Variants in DOCK4 observed in about 807,000 individuals in gnomAD.
DOCK4 encodes dedicator of cytokinesis 4, also known as dedicator of cytokinesis protein 4.
Under a neutral mutation model 268.1 loss-of-function variants are expected in DOCK4, and 97 were observed. The ratio of observed to expected loss-of-function variants is 0.36; its 90% confidence interval spans 0.31 to 0.43. The LOEUF is 0.43. DOCK4 is among the 20% of genes least tolerant of loss of function. The pLI is 1.00. For missense variants in DOCK4, 2,145 were observed against 2,455.7 expected (o/e 0.87, Z 2.67); for synonymous variants, 954 against 887.2 (o/e 1.08, Z -1.34).
chr7:112,012,238 A>G (rs1801392474), intron 1 of DOCK4, among the ~76,000 whole-genome samples: 1 of 152,132 alleles, frequency 6.6e-6, no homozygotes, highest in South Asian at 2.1e-4. Flanking sequence ...CTATTCTGTT[A>G]TTACAGTTTC....
chr7:112,061,989 AGGTACAATTATGT>A (rs1353918029), intron 1 of DOCK4, among the ~76,000 whole-genome samples: 1 of 152,242 alleles, frequency 6.6e-6, no homozygotes, highest in Non-Finnish European at 1.5e-5. Flanking sequence ...CCTGTGCAGT[AGGTACAATTATGT>A]GGTACACAGA....
intron 1 of DOCK4, among the ~76,000 whole-genome samples, chr7:112,143,689 C>T (rs547009439): frequency 2.0e-5 from 3 of 152,230 alleles, no homozygotes; most frequent in South Asian, 4.1e-4. Flanking sequence ...TGCCCTGTGC[C>T]AGGAGAAAAA....
In DOCK4 at chr7:112,163,940, C is replaced by T. The variant is rs146167119; in HGVS notation, c.37+42162G>A. 5.0e-3 allele frequency among the ~76,000 whole-genome samples: 765 copies of T among 152,258 alleles called. 22 individuals are homozygous for T. The highest frequency in any genetic ancestry group is 0.049 in the Admixed American group (746 of 15,286). On this transcript the variant is annotated intron_variant, in intron 1 of 52. Transcript: ENST00000428084. Reference sequence around the variant, plus strand: ...AAGTGTTTTGAGCATTTATTATGTACCAAACACATTTTAGTCCCTGAGAAG... The same window carrying T: ...AAGTGTTTTGAGCATTTATTATGTATCAAACACATTTTAGTCCCTGAGAAG...
chr7:111,988,155 C>CT (rs1005356734), intron 6 of DOCK4, among the ~76,000 whole-genome samples: 9 of 151,918 alleles, frequency 5.9e-5, no homozygotes, highest in Non-Finnish European at 1.0e-4. Context: ...GTCTGCTTTC[C>CT]TTTTTTTTCT....
intron 1 of DOCK4, among the ~76,000 whole-genome samples, chr7:112,073,618 C>T (rs1249055282): frequency 6.6e-6 from 1 of 151,890 alleles, no homozygotes; most frequent in African/African-American, 2.4e-5. Context: ...ATGGATAAGC[C>T]TGGAAGATAT....
intron 1 of DOCK4, among the ~76,000 whole-genome samples, chr7:112,198,375 A>G (rs944280716): frequency 6.6e-5 from 10 of 152,150 alleles, no homozygotes; most frequent in African/African-American, 2.4e-4. Context: ...GTGAGAAACA[A>G]ATTTCTTTTG....
chr7:111,981,825 C>A (rs1798630816), intron 7 of DOCK4, among the ~76,000 whole-genome samples: 1 of 152,084 alleles, frequency 6.6e-6, no homozygotes, highest in Admixed American at 6.6e-5. Context: ...TAGATGAGAC[C>A]CTGGAATCTT....
rs750046526 is a variant in DOCK4 at position 111,877,125 on chromosome 7, C to A, written c.1649G>T (p.Gly550Val). ...TTGATTATTATTCCCAAGGAAAATG[C>A]CCTTGGAAAAGGGAAGTTTGAGGTA... ...TRYLKLPFSK[G>V]IFLGNNNQAM... Residue 550 changes from glycine to valine, a missense_variant, in exon 17 of 53, where the codon GGC (glycine) becomes GTC (valine). Physicochemically the swap from Gly to Val is moderately radical, Grantham distance 109. Transcript: ENST00000428084. 1.5e-5 allele frequency: 24 copies of A among 1,589,270 alleles called. No homozygotes were observed. Among genetic ancestry groups the A allele is most frequent in the East Asian group, 4.6e-5 (2 of 43,360 alleles).
chr7:111,981,210 T>C (rs1586563921), intron 7 of DOCK4, among the ~76,000 whole-genome samples: 1 of 152,180 alleles, frequency 6.6e-6, no homozygotes, highest in Non-Finnish European at 1.5e-5. Flanking sequence ...TTAACCTCCA[T>C]GCTGAGGTCC....
chr7:111,981,786 A>G (rs1798627040), intron 7 of DOCK4, among the ~76,000 whole-genome samples: 1 of 152,132 alleles, frequency 6.6e-6, no homozygotes. Flanking sequence ...TTTCCCACCA[A>G]CGGCCAACAT....
intron 30 of DOCK4, among the ~76,000 whole-genome samples, chr7:111,806,526 C>A (rs1012914678): frequency 6.6e-6 from 1 of 152,122 alleles, no homozygotes; most frequent in African/African-American, 2.4e-5. Context: ...ACGCTTGAAC[C>A]ACGTCATGCT....
At chr7:111,847,154 C>T in intron 23 of DOCK4, 28 bp from the exon 24 acceptor site, 1 of 1,612,746 alleles carries the variant, frequency 6.2e-7, no homozygotes, top group South Asian at 1.1e-5. Context: ...ATTAGTGTCA[C>T]ATCTGTTGGA....
chr7:112,129,283 T>C (rs1270691926), intron 1 of DOCK4, among the ~76,000 whole-genome samples: 1 of 152,180 alleles, frequency 6.6e-6, no homozygotes. Context: ...AGGTTATATA[T>C]AGTATAATTC....
chr7:111,936,497 G>A (rs796818656), intron 11 of DOCK4, among the ~76,000 whole-genome samples: 1 of 149,582 alleles, frequency 6.7e-6, no homozygotes, highest in African/African-American at 2.5e-5. Flanking sequence ...TGGATGGATG[G>A]ATGGATGGAT....
chr7:111,948,510 G>A (rs1360875937), intron 8 of DOCK4, among the ~76,000 whole-genome samples: 1 of 152,158 alleles, frequency 6.6e-6, no homozygotes, highest in African/African-American at 2.4e-5. Context: ...GGGTTAAGAG[G>A]AATGAAAGAG....
intron 30 of DOCK4, among the ~76,000 whole-genome samples, chr7:111,807,025 G>A (rs1184130830): frequency 2.0e-5 from 3 of 152,202 alleles, no homozygotes; most frequent in Admixed American, 6.5e-5. Context: ...AGCAGCCCAA[G>A]GGTCATGGGC....
At chr7:112,069,692 G>A (rs1458817532) in intron 1 of DOCK4, among the ~76,000 whole-genome samples, 2 of 152,128 alleles carry the variant, frequency 1.3e-5, no homozygotes, top group Admixed American at 6.5e-5. Context: ...ACGGTGACAA[G>A]AGCATGGACT....
intron 13 of DOCK4, among the ~76,000 whole-genome samples, chr7:111,902,157 A>G (rs1791200801): frequency 2.0e-5 from 3 of 152,334 alleles, no homozygotes; most frequent in Middle Eastern, 3.4e-3. Context: ...CAGAGAAACC[A>G]GTCTTATTAC....
chr7:111,938,227 A>G (rs1448706651), intron 11 of DOCK4, among the ~76,000 whole-genome samples: 1 of 152,206 alleles, frequency 6.6e-6, no homozygotes, highest in Non-Finnish European at 1.5e-5. Flanking sequence ...CACAGACTAT[A>G]GATAAATCTT....
Sources: gnomAD v4.1 joint callset for allele counts (sites outside exome capture counted in the v4.1 genomes callset) on GRCh38, gnomAD v4.1.1 for gene constraint, MANE v1.5 for transcripts, NCBI Gene and HGNC (gene_info 2026-07-23, HGNC 2026-07-21) for gene names.